The following DOK6 variants were observed in gnomAD, a reference collection of about 807,000 sequenced individuals.
The protein encoded by DOK6 is docking protein 6.
DOK6 carries 22 observed loss-of-function variants against 44.0 expected under a neutral mutation model. The ratio of observed to expected loss-of-function variants is 0.50; its 90% CI spans 0.36 to 0.71. DOK6 has a LOEUF of 0.71. Ranked by LOEUF, DOK6 falls within the 30% of genes least tolerant of loss-of-function variation. The pLI, the probability that DOK6 is intolerant of heterozygous loss-of-function variation, is 0.00. For missense variants in DOK6, 340 were observed against 416.4 expected, an observed-to-expected ratio of 0.82 and a Z score of 1.60; for synonymous variants, 166 against 145.5, an observed-to-expected ratio of 1.14 and a Z score of -1.01.
At chr18:69,775,800 T>G (rs1980045714) in intron 7 of DOK6, among the ~76,000 whole-genome samples, 1 of 151,868 alleles carries the variant, frequency 6.6e-6, no homozygotes, top group Non-Finnish European at 1.5e-5. Flanking sequence ...ACAGAAAACA[T>G]CTAAAGTTTA....
intron 1 of DOK6, among the ~76,000 whole-genome samples, chr18:69,403,811 A>G (rs1916147228): frequency 6.6e-6 from 1 of 152,226 alleles, no homozygotes; most frequent in Non-Finnish European, 1.5e-5. Flanking sequence ...TGCCTTAAAG[A>G]GTCATACCCC....
At chr18:69,723,307 C>T (rs1031543105) in intron 5 of DOK6, among the ~76,000 whole-genome samples, 2 of 152,180 alleles carry the variant, frequency 1.3e-5, no homozygotes, top group South Asian at 4.1e-4. Context: ...TGAGAAATGA[C>T]CTTTACATGA....
At chr18:69,789,335 A>C (rs1481143639) in intron 7 of DOK6, among the ~76,000 whole-genome samples, 1 of 152,140 alleles carries the variant, frequency 6.6e-6, no homozygotes, top group African/African-American at 2.4e-5. Context: ...CTCTTATTTC[A>C]TTCAGTTTGT....
intron 1 of DOK6, among the ~76,000 whole-genome samples, chr18:69,442,485 G>A (rs973483866): frequency 2.0e-5 from 3 of 152,148 alleles, no homozygotes; most frequent in African/African-American, 7.2e-5. Flanking sequence ...ACCATCAGAC[G>A]TTGTGAGAAC....
intron 6 of DOK6, among the ~76,000 whole-genome samples, chr18:69,742,027 TG>T (rs891723785): frequency 2.0e-5 from 3 of 152,182 alleles, no homozygotes. Flanking sequence ...CCACTTTCTT[TG>T]GGGGGCCACA....
chr18:69,491,432 G>GT (rs1402763771), intron 1 of DOK6, among the ~76,000 whole-genome samples: 1 of 152,168 alleles, frequency 6.6e-6, no homozygotes, highest in Non-Finnish European at 1.5e-5. Flanking sequence ...TAATAAAATA[G>GT]TTTCTTTTAT....
chr18:69,522,791 A>T (rs1410224682), intron 1 of DOK6, among the ~76,000 whole-genome samples: 1 of 152,104 alleles, frequency 6.6e-6, no homozygotes, highest in Non-Finnish European at 1.5e-5. Context: ...TTACTGTTCC[A>T]CATTATTGAA....
intron 7 of DOK6, among the ~76,000 whole-genome samples, chr18:69,830,290 C>T (rs1367362997): frequency 5.9e-5 from 9 of 152,096 alleles, no homozygotes; most frequent in Non-Finnish European, 7.4e-5. Flanking sequence ...CTTTATCCCC[C>T]CAAAAATACA....
At chr18:69,606,116 C>A (rs1193768134) in intron 3 of DOK6, among the ~76,000 whole-genome samples, 1 of 151,476 alleles carries the variant, frequency 6.6e-6, no homozygotes, top group Non-Finnish European at 1.5e-5. Flanking sequence ...TACTAAAATA[C>A]AAAAAATTAG....
intron 7 of DOK6, among the ~76,000 whole-genome samples, chr18:69,790,265 G>A (rs28562572): frequency 0.13 from 19,979 of 149,398 alleles, 2,134 homozygotes; most frequent in African/African-American, 0.3. Context: ...GGGGCCTGTC[G>A]GGGGGTGGGG....
At chr18:69,723,708 T>C (rs1007764559) in intron 5 of DOK6, among the ~76,000 whole-genome samples, 39 of 152,368 alleles carry the variant, frequency 2.6e-4, no homozygotes, top group African/African-American at 8.4e-4. Context: ...TAGTATCTTT[T>C]ATTTCACAGT....
At position 69,782,352 on chromosome 18, in the gene DOK6, C is replaced by T. The variant is rs564412959; in HGVS notation, c.856+24479C>T. Among the ~76,000 whole-genome samples, 5 of 151,906 alleles carry T rather than the reference C, an allele frequency of 3.3e-5. No individual in the cohort carries two copies. In the South Asian group the frequency reaches 1.0e-3, roughly 32 times the overall value. On this transcript the variant is annotated intron_variant, in intron 7 of 7. Coordinates refer to ENST00000382713, the MANE Select transcript of DOK6 (RefSeq NM_152721.6). ...TCAGCCTCCTGAGTAGCTGGGACTA[C>T]AGGCACCTGCCACCATGCCCGGCTA...
chr18:69,839,284 C>T (rs186195827), intron 7 of DOK6, among the ~76,000 whole-genome samples: 221 of 150,590 alleles, frequency 1.5e-3, no homozygotes, highest in African/African-American at 5.1e-3. Context: ...TAACTCCTCC[C>T]TAGCACTTCC....
At chr18:69,694,085 AAAAAATTGATCT>A (rs1488935893) in intron 4 of DOK6, among the ~76,000 whole-genome samples, 3 of 149,344 alleles carry the variant, frequency 2.0e-5, no homozygotes, top group African/African-American at 7.4e-5. Context: ...AAAAAAAAAA[AAAAAATTGATCT>A]ATTTAAAAAC....
At chr18:69,702,134 G>GTTTT (rs34123199) in intron 5 of DOK6, among the ~76,000 whole-genome samples, 1 of 126,342 alleles carries the variant, frequency 7.9e-6, no homozygotes. Context: ...TTCTGGGTTG[G>GTTTT]TTTTTTTTTT....
chr18:69,631,465 C>G (rs1984688421), intron 3 of DOK6, among the ~76,000 whole-genome samples: 1 of 152,174 alleles, frequency 6.6e-6, no homozygotes. Flanking sequence ...TAACATGAAA[C>G]TCCAACTTTA....
intron 7 of DOK6, among the ~76,000 whole-genome samples, chr18:69,803,766 G>A (rs1291435245): frequency 6.6e-6 from 1 of 152,110 alleles, no homozygotes; most frequent in Non-Finnish European, 1.5e-5. Flanking sequence ...GGCTGAGGCA[G>A]AAGAATCACT....
rs1982381857 is a variant in DOK6, at chr18:69,847,873, T to A, written c.*6490T>A. 1 of 152,042 alleles carries A rather than the reference T, an allele frequency of 6.6e-6. No homozygotes were observed. Among genetic ancestry groups the A allele is most frequent in the South Asian group, 2.1e-4 (1 of 4,814 alleles). The allele number at this position is 152,042 out of a possible 1,614,324, so 9.4% of individuals were successfully genotyped here. On this transcript the variant is annotated 3_prime_UTR_variant, in exon 8 of 8. Coordinates refer to ENST00000382713, the MANE Select transcript of DOK6 (RefSeq NM_152721.6). Reference sequence around the variant, plus strand: ...TCTTTCCAGTTACAAAATACTGTATTACTTTAGTTATAGCAAGCAGTACAT... The same window carrying A: ...TCTTTCCAGTTACAAAATACTGTATAACTTTAGTTATAGCAAGCAGTACAT...
intron 1 of DOK6, among the ~76,000 whole-genome samples, chr18:69,501,004 T>A (rs1213528042): frequency 6.6e-6 from 1 of 152,140 alleles, no homozygotes; most frequent in South Asian, 2.1e-4. Context: ...CATTCCCTTC[T>A]ACTTTTTTTG....
Sources: allele counts gnomAD v4.1 joint callset (sites outside exome capture counted in the v4.1 genomes callset), GRCh38; gene constraint gnomAD v4.1.1; transcripts MANE v1.5; gene names NCBI Gene and HGNC (gene_info 2026-07-23, HGNC 2026-07-21).